The following AEBP2 variants were observed in gnomAD, a reference collection of about 807,000 sequenced individuals.
AEBP2 encodes the protein AE binding protein 2.
A neutral mutation model predicts 50.8 loss-of-function variants in AEBP2; 10 were observed. That is an observed-to-expected ratio of 0.20 (90% CI 0.12 to 0.33). The LOEUF is 0.33. Among genes scored for constraint, AEBP2 ranks in the 10% least tolerant of loss-of-function variants. The pLI, the probability that AEBP2 is intolerant of heterozygous loss-of-function variation, is 1.00. For missense variants in AEBP2, 570 were observed against 688.0 expected (o/e 0.83, Z 1.92); for synonymous variants, 296 against 261.3 (o/e 1.13, Z -1.28).
chr12:19,488,347 C>G (rs1363618022), intron 3 of AEBP2, among the ~76,000 whole-genome samples: 1 of 145,042 alleles, frequency 6.9e-6, no homozygotes, highest in Non-Finnish European at 1.5e-5. Context: ...AGGCTGGTCT[C>G]GAGCTCCTGG....
chr12:19,435,209 C>T (rs1391769698), upstream of AEBP2, among the ~76,000 whole-genome samples: 1 of 151,262 alleles, frequency 6.6e-6, no homozygotes, highest in East Asian at 1.9e-4. Context: ...TACTGAAAGC[C>T]TGGACCTCCC....
At chr12:19,450,631 A>G (rs1448154014) in intron 1 of AEBP2, among the ~76,000 whole-genome samples, 1 of 142,868 alleles carries the variant, frequency 7.0e-6, no homozygotes, top group Admixed American at 7.3e-5. Context: ...GGAGTTTGAG[A>G]CCAGCCTAAG....
At chr12:19,428,192 C>T (rs1345484445) in intron 1 of AEBP2, among the ~76,000 whole-genome samples, 1 of 152,064 alleles carries the variant, frequency 6.6e-6, no homozygotes, top group Non-Finnish European at 1.5e-5. Flanking sequence ...GCCGAGATTG[C>T]ACCACTGCAC....
rs758644126 is a variant in AEBP2, at chr12:19,500,271, A to G, written c.1299+50A>G. On this transcript the variant is annotated intron_variant, in intron 5 of 7. Coordinates refer to ENST00000266508, the MANE Select transcript of AEBP2 (RefSeq NM_153207.5). Reference sequence around the variant, plus strand: ...ATTAAATATAAAACTTTGCAAAAAAATATTTCCACAATCATTTCTAAATCT... The same window carrying G: ...ATTAAATATAAAACTTTGCAAAAAAGTATTTCCACAATCATTTCTAAATCT... The G allele has an allele frequency of 2.1e-5, 28 of 1,347,492 alleles. No individual in the cohort carries two copies. Among genetic ancestry groups the G allele is most frequent in the African/African-American group, 3.1e-5 (2 of 65,474 alleles). 83.5% of individuals were successfully genotyped at this position (1,347,492 alleles called of 1,614,324 possible).
intron 5 of AEBP2, among the ~76,000 whole-genome samples, chr12:19,509,426 CAT>C (rs1385667410): frequency 6.6e-6 from 1 of 152,048 alleles, no homozygotes; most frequent in African/African-American, 2.4e-5. Flanking sequence ...CTTTAATTCA[CAT>C]ATATTTGTGA....
chr12:19,486,410 G>A (rs1228047192), intron 3 of AEBP2, among the ~76,000 whole-genome samples: 5 of 150,624 alleles, frequency 3.3e-5, no homozygotes, highest in African/African-American at 1.2e-4. Context: ...TTTGTTTTTT[G>A]AGACGGGGTC....
chr12:19,498,829 T>C (rs1949023972), intron 4 of AEBP2, among the ~76,000 whole-genome samples: 2 of 152,136 alleles, frequency 1.3e-5, no homozygotes, highest in South Asian at 4.1e-4. Context: ...AAATACTGCC[T>C]ACTCTATATT....
At chr12:19,484,042 C>T (rs76416658) in intron 3 of AEBP2, among the ~76,000 whole-genome samples, 7,348 of 152,102 alleles carry the variant, frequency 0.048, 392 homozygotes, top group Admixed American at 0.15. Flanking sequence ...TGGATTTTTG[C>T]TAATCTCATA....
At chr12:19,507,175 A>G (rs1949165012) in intron 5 of AEBP2, among the ~76,000 whole-genome samples, 1 of 152,200 alleles carries the variant, frequency 6.6e-6, no homozygotes, top group South Asian at 2.1e-4. Context: ...GAAAGTTAGC[A>G]TAAGGATTGA....
At chr12:19,475,464 G>GTGTATATATA (rs879624624) in intron 3 of AEBP2, among the ~76,000 whole-genome samples, 3,118 of 150,858 alleles carry the variant, frequency 0.021, 36 homozygotes, top group East Asian at 0.041. Flanking sequence ...GTATGTGTGT[G>GTGTATATATA]TATATATATA....
At chr12:19,499,311 T>G (rs1161453351) in intron 4 of AEBP2, among the ~76,000 whole-genome samples, 2 of 152,164 alleles carry the variant, frequency 1.3e-5, no homozygotes, top group Non-Finnish European at 2.9e-5. Context: ...AAGAAAATAC[T>G]TGTCAAAAAC....
chr12:19,412,905 C>T (rs957462712), intron 1 of AEBP2, among the ~76,000 whole-genome samples: 23 of 152,306 alleles, frequency 1.5e-4, no homozygotes, highest in Admixed American at 1.4e-3. Context: ...GCTGCCCTGG[C>T]GGCCTCATGG....
intron 5 of AEBP2, among the ~76,000 whole-genome samples, chr12:19,511,612 G>T (rs1172670543): frequency 6.6e-6 from 1 of 152,138 alleles, no homozygotes; most frequent in African/African-American, 2.4e-5. Flanking sequence ...GACTTGAGGA[G>T]GTCCAGAAGA....
Position 19,514,746 on chromosome 12 carries a change from C to T in AEBP2, c.1443C>T (p.Pro481=). The T allele has an allele frequency of 6.2e-7, 1 of 1,611,564 alleles. No homozygotes were observed. Among genetic ancestry groups the T allele is most frequent in the South Asian group, 1.1e-5 (1 of 90,438 alleles). The part of the protein sequence containing the change: ...KTKVVHLSKL[P]KDTALLLDPN... ...AAGTAGTTCATTTATCAAAGCTACC[C>T]AAAGATACTGCCTTGCTTTTGGACC... The change falls in exon 7 of 8, where the codon CCC becomes CCT. Residue 481 remains proline, a synonymous_variant. Coordinates refer to ENST00000266508, the MANE Select transcript of AEBP2 (RefSeq NM_153207.5).
At chr12:19,440,457 G>T (rs1947933098) in intron 1 of AEBP2, 87 bp downstream of exon 1, 3 of 1,413,196 alleles carry the variant, frequency 2.1e-6, no homozygotes, top group Non-Finnish European at 2.8e-6. Flanking sequence ...GTTTTGCCGC[G>T]ATCCCCCTGC....
chr12:19,447,219 C>A (rs1263597208), intron 1 of AEBP2, among the ~76,000 whole-genome samples: 1 of 152,200 alleles, frequency 6.6e-6, no homozygotes, highest in African/African-American at 2.4e-5. Flanking sequence ...GTTTGTGAAT[C>A]AAATTCTTTT....
chr12:19,408,505 C>G (rs1204034382), intron 1 of AEBP2, among the ~76,000 whole-genome samples: 2 of 150,432 alleles, frequency 1.3e-5, no homozygotes, highest in Admixed American at 1.3e-4. Context: ...GCCGAGATTG[C>G]ACCACTGCGC....
chr12:19,439,896 G>A lies in AEBP2; in HGVS notation c.197G>A (p.Gly66Asp), dbSNP rs996017561. The A allele has an allele frequency of 9.4e-6, 14 of 1,485,126 alleles. No homozygotes were observed. The highest frequency in any genetic ancestry group is 1.5e-5 in the African/African-American group (1 of 68,404). 92.0% of individuals were successfully genotyped at this position (1,485,126 alleles called of 1,614,324 possible). ...ALLLNGGSGGGGGGGGGGVGG... is the reference protein window; with the variant it reads ...ALLLNGGSGGDGGGGGGGVGG... ...CTGCTGAACGGCGGCAGCGGTGGGG[G>A]CGGCGGAGGCGGCGGCGGAGGAGTG... Residue 66 changes from glycine (G) to aspartate (D), a missense_variant, in exon 1 of 8, where the codon GGC becomes GAC. Physicochemically the swap from Gly to Asp is moderately conservative, Grantham distance 94. Coordinates refer to ENST00000266508, the MANE Select transcript of AEBP2 (RefSeq NM_153207.5).
chr12:19,406,105 A>G (rs1402923694), intron 1 of AEBP2, among the ~76,000 whole-genome samples: 1 of 151,868 alleles, frequency 6.6e-6, no homozygotes, highest in Non-Finnish European at 1.5e-5. Context: ...AGCTGGGATT[A>G]CAGGAGCCTG....
Sources: gnomAD v4.1 joint callset for allele counts (sites outside exome capture counted in the v4.1 genomes callset) on GRCh38, gnomAD v4.1.1 for gene constraint, MANE v1.5 for transcripts, NCBI Gene and HGNC (gene_info 2026-07-23, HGNC 2026-07-21) for gene names.